Variants in ROCK2 observed in about 807,000 individuals in gnomAD.
The protein encoded by ROCK2 is rho-associated protein kinase 2.
A neutral mutation model predicts 195.1 loss-of-function variants in ROCK2; 61 were observed. That is an observed-to-expected ratio of 0.31 (90% CI 0.25 to 0.39). ROCK2 has a LOEUF of 0.39. Among genes scored for constraint, ROCK2 ranks in the 10% least tolerant of loss-of-function variants. The pLI is 1.00. For synonymous variants in ROCK2, 504 were observed against 545.5 expected (o/e 0.92, Z 1.06); for missense variants, 1,109 against 1,637.4 (o/e 0.68, Z 5.57).
chr2:11,214,464 C>G lies in ROCK2; in HGVS notation c.1937-1G>C. 6.5e-7 allele frequency: 1 copy of G among 1,548,438 alleles called. No individual in the cohort carries two copies. Among genetic ancestry groups the G allele is most frequent in the Non-Finnish European group, 8.9e-7 (1 of 1,128,778 alleles). ...TCTTCTTCTAGGCCACATATTCTAC[C>G]TAAAAATTGCAACGTTTTTTTAAAA... On this transcript the variant is annotated splice_acceptor_variant, in intron 16 of 32. Coordinates refer to ENST00000315872, the MANE Select transcript of ROCK2 (RefSeq NM_004850.5). LOFTEE classifies it high-confidence loss of function.
chr2:11,287,402 C>G (rs1667233030), intron 2 of ROCK2, among the ~76,000 whole-genome samples: 2 of 152,094 alleles, frequency 1.3e-5, no homozygotes, highest in South Asian at 4.1e-4. Context: ...TATAAATAAC[C>G]TGTCCTAAAA....
At chr2:11,296,995 A>C (rs1667555615) in intron 1 of ROCK2, among the ~76,000 whole-genome samples, 1 of 152,134 alleles carries the variant, frequency 6.6e-6, no homozygotes, top group African/African-American at 2.4e-5. Context: ...GACAGTTAAA[A>C]TCTGGGAAAG....
chr2:11,235,552 AT>A lies in ROCK2; in HGVS notation c.723+149del. ...GAAATGTTTTAAGTTGGTTAAGGAAATGTTTTAAGTTGGTTATATCTTGTTT... is the reference window on the plus strand; with the variant it reads ...GAAATGTTTTAAGTTGGTTAAGGAAAGTTTTAAGTTGGTTATATCTTGTTT... On this transcript the variant is annotated intron_variant, in intron 5 of 32. Coordinates refer to ENST00000315872, the MANE Select transcript of ROCK2 (RefSeq NM_004850.5). The surrounding 1 kb of genome is among the most constrained non-coding windows in gnomAD (Gnocchi z 4.2). The A allele has an allele frequency of 2.8e-6, 2 of 709,996 alleles. No homozygotes were observed. Among genetic ancestry groups the A allele is most frequent in the South Asian group, 4.2e-5 (2 of 47,084 alleles). The allele number at this position is 709,996 out of a possible 1,614,324, so 44.0% of individuals were successfully genotyped here.
At position 11,309,057 on chromosome 2, in the gene ROCK2, G is replaced by A. The variant is rs1474534964; in HGVS notation, c.142-21321C>T. On this transcript the variant is annotated intron_variant, in intron 1 of 32. Transcript: ENST00000315872. The stretch of plus-strand genomic sequence containing the variant: ...CAGGAAGCAAGCCGTACCCAGACCA[G>A]TAGGCCGGAGGGAGTCCAATGCAAA... 9.6e-6 allele frequency: 14 copies of A among 1,459,282 alleles called. No homozygotes were observed. The East Asian group carries it at 3.3e-4, about 34-fold the overall frequency. 90.4% of individuals were successfully genotyped at this position (1,459,282 alleles called of 1,614,324 possible). A position where few individuals can be genotyped will look rare whatever the true frequency, so the allele number is the denominator to read the frequency against.
intron 3 of ROCK2, among the ~76,000 whole-genome samples, chr2:11,281,771 A>C (rs990896889): frequency 2.6e-5 from 4 of 152,220 alleles, no homozygotes; most frequent in African/African-American, 9.6e-5. Context: ...GCACCTACAA[A>C]AATAAAACAG....
intron 5 of ROCK2, among the ~76,000 whole-genome samples, chr2:11,229,328 T>C (rs555323037): frequency 6.6e-6 from 1 of 152,236 alleles, no homozygotes; most frequent in South Asian, 2.1e-4. Context: ...AGCCCTCAAA[T>C]TATATGAATA....
intron 16 of ROCK2, 100 bp from the exon 17 acceptor site, chr2:11,214,563 T>C: frequency 1.4e-6 from 1 of 732,812 alleles, no homozygotes; most frequent in Admixed American, 2.9e-5. Flanking sequence ...TTGGAGCTGT[T>C]GTTTGTGAGC....
At chr2:11,229,437 G>A (rs1026158394) in intron 5 of ROCK2, among the ~76,000 whole-genome samples, 2 of 151,954 alleles carry the variant, frequency 1.3e-5, no homozygotes, top group African/African-American at 4.8e-5. Flanking sequence ...CAGTGGGTGG[G>A]TGGGCAAAGG....
At chr2:11,341,913 T>C (rs898899324) in intron 1 of ROCK2, among the ~76,000 whole-genome samples, 1 of 152,168 alleles carries the variant, frequency 6.6e-6, no homozygotes, top group African/African-American at 2.4e-5. Context: ...AGACGGATAG[T>C]GGTGATGGCT....
chr2:11,242,538 C>A (rs1431413413), intron 4 of ROCK2, among the ~76,000 whole-genome samples: 2 of 151,994 alleles, frequency 1.3e-5, no homozygotes, highest in African/African-American at 4.8e-5. Context: ...TTGAGGAAAC[C>A]AAGATAAGCA....
chr2:11,326,731 AAAG>A (rs1668561599), intron 1 of ROCK2, among the ~76,000 whole-genome samples: 2 of 152,330 alleles, frequency 1.3e-5, no homozygotes, highest in African/African-American at 2.4e-5. Context: ...AGCAGGAAGA[AAAG>A]AATAAGACCC....
At chr2:11,301,918 C>T (rs888100762) in intron 1 of ROCK2, among the ~76,000 whole-genome samples, 7 of 152,010 alleles carry the variant, frequency 4.6e-5, no homozygotes, top group African/African-American at 9.7e-5. Context: ...GACGGAGTTT[C>T]GCTCAGCCTC....
intron 4 of ROCK2, among the ~76,000 whole-genome samples, chr2:11,241,635 C>G (rs1022125832): frequency 6.6e-6 from 1 of 152,126 alleles, no homozygotes; most frequent in Admixed American, 6.6e-5. Context: ...TGCATGACAA[C>G]ATAAGGAGTT....
intron 20 of ROCK2, among the ~76,000 whole-genome samples, chr2:11,204,348 C>T (rs1307978751): frequency 1.3e-5 from 2 of 152,148 alleles, no homozygotes; most frequent in South Asian, 2.1e-4. Context: ...ATAATCTCCC[C>T]GGTTTACTAG....
At chr2:11,204,794 C>T (rs1425030685) in intron 20 of ROCK2, among the ~76,000 whole-genome samples, 2 of 152,198 alleles carry the variant, frequency 1.3e-5, no homozygotes, top group African/African-American at 2.4e-5. Flanking sequence ...AATCTTTGAT[C>T]AATACTAATT....
At chr2:11,195,131 C>A in intron 27 of ROCK2, 106 bp from the exon 28 acceptor site, 2 of 579,324 alleles carry the variant, frequency 3.5e-6, no homozygotes, top group South Asian at 6.2e-5. Context: ...TAAAATATAT[C>A]CTTTAGAATT....
chr2:11,234,454 A>C (rs963840524), intron 5 of ROCK2: 4 of 152,256 alleles, frequency 2.6e-5, no homozygotes, highest in Admixed American at 6.5e-5. Context: ...AAATTATTTC[A>C]TACTTCATTT....
rs763886163 is a variant in ROCK2, at chr2:11,215,366, T to C, written c.1644A>G (p.Gln548=). The C allele has an allele frequency of 6.2e-6, 10 of 1,607,774 alleles. No homozygotes were observed. The highest frequency in any genetic ancestry group is 8.5e-6 in the Non-Finnish European group (10 of 1,177,988). The stretch of plus-strand genomic sequence containing the variant: ...CTTTCTCAGTGGATATTTGAGAGTT[T>C]TGATTTCTTTTTTTCAAATCTTCAA... The part of the protein sequence containing the change: ...DQLEDLKKRN[Q]NSQISTEKVN... Residue 548 remains glutamine, a synonymous_variant, in exon 15 of 33, where the codon CAA becomes CAG. Coordinates refer to ENST00000315872, the MANE Select transcript of ROCK2 (RefSeq NM_004850.5).
chr2:11,316,224 T>A (rs1668187931), intron 1 of ROCK2, among the ~76,000 whole-genome samples: 1 of 152,086 alleles, frequency 6.6e-6, no homozygotes, highest in African/African-American at 2.4e-5. Flanking sequence ...ATATCCAGTA[T>A]CAGAGGTGGG....
Sources: gnomAD v4.1 joint callset for allele counts (sites outside exome capture counted in the v4.1 genomes callset) on GRCh38, gnomAD v4.1.1 for gene constraint, Gnocchi (gnomAD v3.1) non-coding constraint, MANE v1.5 for transcripts, NCBI Gene and HGNC (gene_info 2026-07-23, HGNC 2026-07-21) for gene names.